Variants in STRADB observed in about 807,000 individuals in gnomAD.
STRADB encodes STE20 related adaptor beta, also known as STE20-related kinase adapter protein beta.
A neutral mutation model predicts 52.1 loss-of-function variants in STRADB; 34 were observed. The ratio of observed to expected loss-of-function variants is 0.65; its 90% CI spans 0.50 to 0.87. The LOEUF (loss-of-function observed/expected upper bound fraction) is 0.87, where lower values mean the gene tolerates loss of function less well. Ranked by LOEUF, STRADB falls within the 40% of genes least tolerant of loss-of-function variation. The pLI, the probability that STRADB is intolerant of heterozygous loss-of-function variation, is 0.00. For missense variants in STRADB, 340 were observed against 483.9 expected (o/e 0.70, Z 2.79); for synonymous variants, 133 against 174.5 (o/e 0.76, Z 1.87).
At chr2:201,472,905 A>C (rs1425074001) in intron 4 of STRADB, 50 bp from the exon 5 acceptor site, 1 of 1,527,136 alleles carries the variant, frequency 6.5e-7, no homozygotes, top group African/African-American at 1.4e-5. Context: ...CTAAATTGTC[A>C]GTTTTTTTTC....
chr2:201,472,720 C>A, intron 4 of STRADB: 1 of 306,874 alleles, frequency 3.3e-6, no homozygotes, highest in Non-Finnish European at 6.0e-6. Context: ...AGCATCTTTT[C>A]ATAGGCATAT....
intron 1 of STRADB, among the ~76,000 whole-genome samples, chr2:201,454,485 A>T (rs1952098163): frequency 6.6e-6 from 1 of 152,220 alleles, no homozygotes; most frequent in South Asian, 2.1e-4. Flanking sequence ...ATGCAAACAT[A>T]TTGAGGCTTT....
At chr2:201,462,653 G>A (rs920811310) in intron 3 of STRADB, among the ~76,000 whole-genome samples, 5 of 152,134 alleles carry the variant, frequency 3.3e-5, no homozygotes, top group African/African-American at 1.2e-4. Context: ...ACAAACAGGC[G>A]AAGAGAACTA....
At chr2:201,470,088 C>A in intron 4 of STRADB, 36 bp downstream of exon 4, 1 of 1,470,042 alleles carries the variant, frequency 6.8e-7, no homozygotes, top group Non-Finnish European at 9.5e-7. Context: ...CCCTTCAGTG[C>A]TAGAAATTAA....
rs367979929 is a variant in STRADB, at chr2:201,468,291, TTTACTC to T, written c.94-1658_94-1653del. 1.5e-3 allele frequency among the ~76,000 whole-genome samples: 226 copies of T among 152,220 alleles called. 1 individual carries two copies. Among genetic ancestry groups the T allele is most frequent in the African/African-American group, 5.2e-3 (217 of 41,552 alleles). On this transcript the variant is annotated intron_variant, in intron 3 of 11. Transcript: ENST00000194530. Reference sequence around the variant, plus strand: ...GAGAAGTGAGGTTAGTTTGGGATGATTTACTCTTAGTAAATCTGAGTTGTCTTCTTG... The same window carrying T: ...GAGAAGTGAGGTTAGTTTGGGATGATTTAGTAAATCTGAGTTGTCTTCTTG...
intron 2 of STRADB, among the ~76,000 whole-genome samples, chr2:201,455,285 C>G (rs1408498396): frequency 6.6e-6 from 1 of 152,058 alleles, no homozygotes; most frequent in Non-Finnish European, 1.5e-5. Flanking sequence ...GGTATAGCTG[C>G]CAACTGGTTT....
intron 3 of STRADB, among the ~76,000 whole-genome samples, chr2:201,460,990 C>T (rs1415625323): frequency 6.8e-6 from 1 of 147,220 alleles, no homozygotes; most frequent in Non-Finnish European, 1.5e-5. Flanking sequence ...TCATCACCAA[C>T]AGCATATGAG....
chr2:201,458,267 G>A (rs1450481243), intron 2 of STRADB, among the ~76,000 whole-genome samples: 1 of 152,144 alleles, frequency 6.6e-6, no homozygotes, highest in Non-Finnish European at 1.5e-5. Flanking sequence ...ATAAAAGTAA[G>A]TCTCTTTTAA....
intron 3 of STRADB, among the ~76,000 whole-genome samples, chr2:201,461,217 T>G (rs192196205): frequency 6.6e-5 from 10 of 152,324 alleles, no homozygotes. Flanking sequence ...AGAGATGGCA[T>G]CTTGCTTTGC....
At chr2:201,468,085 C>CTTTTT (rs536551120) in intron 3 of STRADB, among the ~76,000 whole-genome samples, 13 of 71,026 alleles carry the variant, frequency 1.8e-4, no homozygotes, top group East Asian at 6.0e-4. Context: ...TTTTTTTTTT[C>CTTTTT]TTTTTTTTTT....
At chr2:201,473,926 A>G (rs537501069) in intron 5 of STRADB, among the ~76,000 whole-genome samples, 72 of 135,810 alleles carry the variant, frequency 5.3e-4, no homozygotes, top group South Asian at 4.0e-3. Context: ...AGTCTTGCTC[A>G]GTCGCCCAGG....
chr2:201,455,785 T>C (rs1372498429), intron 2 of STRADB, among the ~76,000 whole-genome samples: 1 of 152,158 alleles, frequency 6.6e-6, no homozygotes, highest in Non-Finnish European at 1.5e-5. Flanking sequence ...TAGTTTCAAA[T>C]TGTGTAAGTT....
At chr2:201,454,343 G>A (rs975287149) in intron 1 of STRADB, among the ~76,000 whole-genome samples, 1 of 152,116 alleles carries the variant, frequency 6.6e-6, no homozygotes, top group African/African-American at 2.4e-5. Context: ...GAAAATTCTT[G>A]GGGTTTATTG....
In STRADB at chr2:201,477,767, C is replaced by G; in HGVS notation, c.697C>G (p.Leu233Val). 2 of 1,613,134 alleles carry G rather than the reference C, an allele frequency of 1.2e-6. No individual in the cohort carries two copies. The highest frequency in any genetic ancestry group is 1.7e-6 in the Non-Finnish European group (2 of 1,179,128). Residue 233 changes from leucine to valine, a missense_variant, in exon 8 of 12, where the codon CTG (leucine) becomes GTG (valine). By Grantham distance (32) the Leu-to-Val change is conservative. Coordinates refer to ENST00000194530, the MANE Select transcript of STRADB (RefSeq NM_018571.6). ...PQFSTSVQPW[L>V]SPELLRQDLH... ...GTTCAGCACATCAGTGCAGCCGTGG[C>G]TGAGTCCAGAACTACTGAGACAGGT...
intron 4 of STRADB, among the ~76,000 whole-genome samples, chr2:201,471,560 G>T (rs143617430): frequency 6.6e-6 from 1 of 152,118 alleles, no homozygotes; most frequent in Non-Finnish European, 1.5e-5. Context: ...TGAGGATACC[G>T]AGGCTCTGAG....
At chr2:201,453,142 T>A (rs1266306048) in intron 1 of STRADB, among the ~76,000 whole-genome samples, 1 of 152,080 alleles carries the variant, frequency 6.6e-6, no homozygotes, top group African/African-American at 2.4e-5. Flanking sequence ...TCTCTGAGAT[T>A]AAACCACCCC....
chr2:201,470,262 T>A (rs1437418543), intron 4 of STRADB, among the ~76,000 whole-genome samples: 1 of 152,238 alleles, frequency 6.6e-6, no homozygotes, highest in Non-Finnish European at 1.5e-5. Context: ...ACGTTTACTT[T>A]TCCATTGAAG....
intron 2 of STRADB, among the ~76,000 whole-genome samples, chr2:201,457,083 C>T (rs1370239517): frequency 6.6e-6 from 1 of 152,180 alleles, no homozygotes; most frequent in African/African-American, 2.4e-5. Context: ...AGTTTAGACA[C>T]AGTGAGCGAT....
chr2:201,477,503 G>A, intron 7 of STRADB, 116 bp from the exon 8 acceptor site: 2 of 1,091,008 alleles, frequency 1.8e-6, no homozygotes, highest in Non-Finnish European at 2.7e-6. Context: ...TTATACTGCT[G>A]TTTTGTAAAG....
Sources: gnomAD v4.1 joint callset for allele counts (sites outside exome capture counted in the v4.1 genomes callset) on GRCh38, gnomAD v4.1.1 for gene constraint, MANE v1.5 for transcripts, NCBI Gene and HGNC (gene_info 2026-07-23, HGNC 2026-07-21) for gene names.